KIAA0232: variants seen among roughly 807,000 people sequenced by gnomAD.
KIAA0232 encodes the protein KIAA0232, also known as uncharacterized protein KIAA0232.
In KIAA0232, 27 loss-of-function variants were observed where a neutral mutation model predicts 122.0. The ratio of observed to expected loss-of-function variants is 0.22; its 90% CI spans 0.16 to 0.31. KIAA0232 has a LOEUF of 0.31. KIAA0232 is among the 10% of genes least tolerant of loss of function. The probability of loss-of-function intolerance (pLI) is 1.00; values close to 1 mark genes in which losing one functional copy is unlikely to be tolerated. For synonymous variants in KIAA0232, 613 were observed against 587.6 expected, an observed-to-expected ratio of 1.04 and a Z score of -0.63; for missense variants, 1,551 against 1,634.2, an observed-to-expected ratio of 0.95 and a Z score of 0.88.
intron 8 of KIAA0232, among the ~76,000 whole-genome samples, chr4:6,873,678 C>T (rs747078379): frequency 3.9e-5 from 6 of 152,242 alleles, no homozygotes; most frequent in Non-Finnish European, 7.4e-5. Context: ...TCTGTACAGT[C>T]TCTTAGTGGA....
chr4:6,815,703 G>T (rs1042779972), intron 2 of KIAA0232, among the ~76,000 whole-genome samples: 10 of 152,026 alleles, frequency 6.6e-5, no homozygotes, highest in Non-Finnish European at 1.0e-4. Flanking sequence ...CTTTTCCTTG[G>T]TCCTCTGCAG....
At position 6,783,092 on chromosome 4, in the gene KIAA0232, G is replaced by T. The variant is rs569875681; in HGVS notation, c.-354+251G>T. Reference sequence around the variant, plus strand: ...CCAGCCTGAGGGAGACCGGGCCGCCGCCGGGGGCTCCGGGGCCAGCCTGAG... The same window carrying T: ...CCAGCCTGAGGGAGACCGGGCCGCCTCCGGGGGCTCCGGGGCCAGCCTGAG... On this transcript the variant is annotated intron_variant, in intron 1 of 9. Coordinates refer to ENST00000307659, the MANE Select transcript of KIAA0232 (RefSeq NM_014743.3). Among the ~76,000 whole-genome samples the T allele has an allele frequency of 2.0e-4, 30 of 151,558 alleles. No homozygotes were observed. The South Asian group carries it at 2.1e-3, about 10-fold the overall frequency.
Position 6,881,080 on chromosome 4 carries a change from T to C in KIAA0232, c.*114T>C, listed in dbSNP as rs1722051408. On this transcript the variant is annotated 3_prime_UTR_variant, in exon 10 of 10. Coordinates refer to ENST00000307659, the MANE Select transcript of KIAA0232 (RefSeq NM_014743.3). ...TTAGGTTTCCTCTTCAATTAACTGA[T>C]TCAGATTGGTAATAATTATCTTTCT... is the stretch of plus-strand genomic sequence containing the variant. The C allele has an allele frequency of 1.5e-6, 1 of 684,042 alleles. No homozygotes were observed. The highest frequency in any genetic ancestry group is 1.9e-5 in the African/African-American group (1 of 53,734). 42.4% of individuals were successfully genotyped at this position (684,042 alleles called of 1,614,324 possible).
chr4:6,875,264 T>C (rs1051169161), intron 8 of KIAA0232, among the ~76,000 whole-genome samples: 1 of 152,258 alleles, frequency 6.6e-6, no homozygotes, highest in Admixed American at 6.5e-5. Context: ...TCTTTGAATT[T>C]GCACAGAAAT....
chr4:6,876,382 G>T (rs1391608419), intron 8 of KIAA0232, among the ~76,000 whole-genome samples: 1 of 152,142 alleles, frequency 6.6e-6, no homozygotes, highest in Non-Finnish European at 1.5e-5. Context: ...TGTCCAATGA[G>T]TGCCTCCTGG....
chr4:6,863,159 A>G lies in KIAA0232; in HGVS notation c.2777A>G (p.Asn926Ser), dbSNP rs2108802966. The change falls in exon 7 of 10, where the codon AAC becomes AGC. Residue 926 changes from asparagine to serine, a missense_variant. Physicochemically the swap from Asn to Ser is conservative, Grantham distance 46. Around this residue, in one of 5 missense-constraint regions of KIAA0232, gnomAD observed 1,108 missense variants for 1,154.8 expected, o/e 0.96. Coordinates refer to ENST00000307659, the MANE Select transcript of KIAA0232 (RefSeq NM_014743.3). ...KPWDVAQDKE[N>S]TFILGGVYGE... ...TGGGATGTAGCCCAAGATAAAGAAA[A>G]CACATTCATTCTTGGAGGAGTTTAT... 1.2e-6 allele frequency: 2 copies of G among 1,614,140 alleles called. No individual in the cohort carries two copies. Among genetic ancestry groups the G allele is most frequent in the East Asian group, 2.2e-5 (1 of 44,892 alleles).
At position 6,862,602 on chromosome 4, in the gene KIAA0232, A is replaced by C; in HGVS notation, c.2220A>C (p.Glu740Asp). ...AAGAATCCACACAGTTTAATGCCGA[A>C]GATATTAATTATGTAGTTCCTAGAG... ...QFEESTQFNA[E>D]DINYVVPRVS... is the part of the protein sequence containing the mutation. The change falls in exon 7 of 10, where the codon GAA becomes GAC. Residue 740 changes from glutamate to aspartate, a missense_variant. Glu to Asp is a conservative substitution (Grantham distance 45). This residue lies in a region of KIAA0232 where 1,108 missense variants were observed against 1,154.8 expected (regional missense o/e 0.96). Transcript: ENST00000307659. 2 of 1,613,866 alleles carry C rather than the reference A, an allele frequency of 1.2e-6. No individual in the cohort carries two copies. Among genetic ancestry groups the C allele is most frequent in the Non-Finnish European group, 1.7e-6 (2 of 1,179,910 alleles).
At chr4:6,786,959 G>A (rs1048844317) in intron 1 of KIAA0232, among the ~76,000 whole-genome samples, 3 of 151,996 alleles carry the variant, frequency 2.0e-5, no homozygotes, top group Non-Finnish European at 2.9e-5. Context: ...GAGGCGGGCG[G>A]ATCATGAGGT....
At chr4:6,802,151 G>C (rs1717411029) in intron 1 of KIAA0232, among the ~76,000 whole-genome samples, 1 of 152,206 alleles carries the variant, frequency 6.6e-6, no homozygotes, top group Non-Finnish European at 1.5e-5. Context: ...TCAGGGAATG[G>C]AGAAGTTGAA....
chr4:6,810,757 A>G (rs978105492), intron 2 of KIAA0232, among the ~76,000 whole-genome samples: 4 of 152,178 alleles, frequency 2.6e-5, no homozygotes, highest in Admixed American at 2.6e-4. Context: ...AGATCCCATT[A>G]AAAGGTGGGC....
Position 6,861,989 on chromosome 4 carries a change from T to C in KIAA0232, c.1607T>C (p.Met536Thr). The C allele has an allele frequency of 6.2e-7, 1 of 1,614,148 alleles. No individual in the cohort carries two copies. The highest frequency in any genetic ancestry group is 8.5e-7 in the Non-Finnish European group (1 of 1,180,032). ...CAAGGAGAAAGTCGGATTTTGAATA[T>C]GATTCGACAGAAAAGCAAAGAGAAC... ...TMQGESRILN[M>T]IRQKSKENTD... is the part of the protein sequence containing the mutation. The change falls in exon 7 of 10, where the codon ATG becomes ACG. Residue 536 changes from methionine (M) to threonine (T), a missense_variant. By Grantham distance (81) the Met-to-Thr change is moderately conservative. Around this residue, in one of 5 missense-constraint regions of KIAA0232, gnomAD observed 1,108 missense variants for 1,154.8 expected, o/e 0.96. Coordinates refer to ENST00000307659, the MANE Select transcript of KIAA0232 (RefSeq NM_014743.3).
chr4:6,860,136 A>G (rs989813955), intron 6 of KIAA0232, among the ~76,000 whole-genome samples: 2 of 152,086 alleles, frequency 1.3e-5, no homozygotes, highest in Non-Finnish European at 2.9e-5. Context: ...GATCATTCCT[A>G]CCCTTTCTGA....
rs1300242895 is a variant in KIAA0232 at position 6,861,140 on chromosome 4, A to G, written c.758A>G (p.Asn253Ser). Residue 253 changes from asparagine (N) to serine (S), a missense_variant, in exon 7 of 10, where the codon AAC becomes AGC. By Grantham distance (46) the Asn-to-Ser change is conservative. Transcript: ENST00000307659. ...GAGAAAACCCAGAGCAAAAGCAAAA[A>G]CGAGAAGGAAAACAAATTTAGTAAT... ...VHEKTQSKSK[N>S]EKENKFSNGT... 6.2e-7 allele frequency: 1 copy of G among 1,614,204 alleles called. No individual in the cohort carries two copies. Among genetic ancestry groups the G allele is most frequent in the Non-Finnish European group, 8.5e-7 (1 of 1,180,040 alleles).
At chr4:6,872,234 A>G (rs1419969945) in intron 8 of KIAA0232, among the ~76,000 whole-genome samples, 1 of 152,242 alleles carries the variant, frequency 6.6e-6, no homozygotes, top group East Asian at 1.9e-4. Flanking sequence ...ATGGAATTGA[A>G]AAACTGAAGG....
intron 1 of KIAA0232, among the ~76,000 whole-genome samples, chr4:6,793,935 C>CT (rs894330190): frequency 2.6e-5 from 4 of 152,200 alleles, no homozygotes; most frequent in Non-Finnish European, 5.9e-5. Flanking sequence ...GTCCTTCCAA[C>CT]TTAAAAGTTC....
chr4:6,799,245 C>T (rs1160650216), intron 1 of KIAA0232, among the ~76,000 whole-genome samples: 7 of 150,764 alleles, frequency 4.6e-5, no homozygotes, highest in Non-Finnish European at 4.4e-5. Flanking sequence ...ATAAGGACAT[C>T]AGATCATTGA....
At chr4:6,828,640 C>T (rs1246829969) in intron 3 of KIAA0232, among the ~76,000 whole-genome samples, 1 of 152,082 alleles carries the variant, frequency 6.6e-6, no homozygotes, top group African/African-American at 2.4e-5. Flanking sequence ...TGGAAATAGT[C>T]CAATTCTTTT....
At chr4:6,869,559 C>T (rs955587227) in intron 7 of KIAA0232, among the ~76,000 whole-genome samples, 2 of 152,214 alleles carry the variant, frequency 1.3e-5, no homozygotes, top group African/African-American at 4.8e-5. Context: ...TGTCCATTCC[C>T]CTGGCCCTAG....
chr4:6,839,669 G>A (rs566641298), intron 3 of KIAA0232, among the ~76,000 whole-genome samples: 1 of 152,312 alleles, frequency 6.6e-6, no homozygotes, highest in South Asian at 2.1e-4. Flanking sequence ...GGAGGGGGTA[G>A]TCGAAGGTCA....
Sources: allele counts gnomAD v4.1 joint callset (sites outside exome capture counted in the v4.1 genomes callset), GRCh38; gene constraint gnomAD v4.1.1; regional missense constraint gnomAD v4.1.1; transcripts MANE v1.5; gene names NCBI Gene and HGNC (gene_info 2026-07-23, HGNC 2026-07-21).